Variants in SH3TC1 observed in about 807,000 individuals in gnomAD.
The protein encoded by SH3TC1 is SH3 domain and tetratricopeptide repeat-containing protein 1.
In SH3TC1, 135 loss-of-function variants were observed where a neutral mutation model predicts 117.3. That is an observed-to-expected ratio of 1.15 (90% CI 1.00 to 1.33). SH3TC1 has a LOEUF of 1.33. SH3TC1 is among the 40% of genes most tolerant of loss of function. The pLI, the probability that SH3TC1 is intolerant of heterozygous loss-of-function variation, is 0.00. For missense variants in SH3TC1, 2,092 were observed against 1,794.3 expected, an observed-to-expected ratio of 1.17 and a Z score of -3.00; for synonymous variants, 898 against 816.9, an observed-to-expected ratio of 1.10 and a Z score of -1.69.
chr4:8,216,283 G>A (rs756567481), intron 6 of SH3TC1, 26 bp downstream of exon 6: 24 of 1,607,462 alleles, frequency 1.5e-5, no homozygotes, highest in Non-Finnish European at 2.0e-5. Context: ...GGTGATGGCC[G>A]AGATCCAGCT....
At chr4:8,218,011 G>A (rs575365774) in intron 7 of SH3TC1, among the ~76,000 whole-genome samples, 1 of 151,574 alleles carries the variant, frequency 6.6e-6, no homozygotes, top group South Asian at 2.1e-4. Context: ...CAGGCCCACA[G>A]GGGTGGCGGT....
rs1280696205 is a variant in SH3TC1, at chr4:8,186,482, T to TA, written c.-57+4277dup. 6.6e-6 allele frequency among the ~76,000 whole-genome samples: 1 copy of TA among 152,032 alleles called. No individual in the cohort carries two copies. Among genetic ancestry groups the TA allele is most frequent in the Non-Finnish European group, 1.5e-5 (1 of 68,012 alleles). ...AGTCGAGTCGAGTGTGAATTGTGAGTAAAAATAGCAGGTCCACGTTGGTTT... is the reference window on the plus strand; with the variant it reads ...AGTCGAGTCGAGTGTGAATTGTGAGTAAAAAATAGCAGGTCCACGTTGGTTT... On this transcript the variant is annotated intron_variant, in intron 1 of 16. Coordinates refer to the SH3TC1 transcript ENST00000508641. This position sits in a 1 kb window ranked among gnomAD's most constrained non-coding sequence, Gnocchi z 5.2.
Position 8,227,376 on chromosome 4 carries a change from G to C in SH3TC1, c.1682G>C (p.Arg561Thr), listed in dbSNP as rs554467667. The change falls in exon 12 of 18, where the codon AGG (arginine) becomes ACG (threonine). Residue 561 changes from arginine (R) to threonine (T), a missense_variant. Physicochemically the swap from Arg to Thr is moderately conservative, Grantham distance 71. Transcript: ENST00000245105. ...GCTGGCCTCCTCATGGCCCTGGCCA[G>C]GCTCTGCTTCCTCCTGGGGCGGCTG... ...KKAGLLMALA[R>T]LCFLLGRLCS... 1 of 1,564,416 alleles carries C rather than the reference G, an allele frequency of 6.4e-7. No homozygotes were observed. The highest frequency in any genetic ancestry group is 1.2e-5 in the South Asian group (1 of 83,676).
At chr4:8,191,746 C>G (rs535808995) in intron 1 of SH3TC1, among the ~76,000 whole-genome samples, 10 of 152,212 alleles carry the variant, frequency 6.6e-5, no homozygotes, top group South Asian at 4.1e-4. Context: ...TCCTTCCCCC[C>G]ATTCTTGGGT....
At chr4:8,207,077 CAAAA>C (rs34956323) in intron 2 of SH3TC1, among the ~76,000 whole-genome samples, 62 of 138,578 alleles carry the variant, frequency 4.5e-4, no homozygotes, top group Non-Finnish European at 4.5e-4. Flanking sequence ...TCCTTTATAG[CAAAA>C]AAAAAAAAAA....
Position 8,227,289 on chromosome 4 carries a change from G to A in SH3TC1, c.1595G>A (p.Ser532Asn). ...CCGTGGCTGAGCAGCGTGTTCCGCAGCTTCAGCGACGAGGAGGAGCTGACT... is the reference window on the plus strand; with the variant it reads ...CCGTGGCTGAGCAGCGTGTTCCGCAACTTCAGCGACGAGGAGGAGCTGACT... The part of the protein sequence containing the change: ...ALPWLSSVFR[S>N]FSDEEELTGR... Residue 532 changes from serine (S) to asparagine (N), a missense_variant, in exon 12 of 18, where the codon AGC (serine) becomes AAC (asparagine). Coordinates refer to ENST00000245105, the MANE Select transcript of SH3TC1 (RefSeq NM_018986.5). 1 of 1,608,362 alleles carries A rather than the reference G, an allele frequency of 6.2e-7. No homozygotes were observed. The highest frequency in any genetic ancestry group is 8.5e-7 in the Non-Finnish European group (1 of 1,177,950).
Position 8,208,186 on chromosome 4 carries a change from A to T in SH3TC1, c.173-1562A>T, listed in dbSNP as rs114602986. On this transcript the variant is annotated intron_variant, in intron 2 of 17. Coordinates refer to ENST00000245105, the MANE Select transcript of SH3TC1 (RefSeq NM_018986.5). ...TGAGCCAGGGGCTCAGATCTTCTTC[A>T]GACAGGGAGTGAATCTCCAGGCTGG... is the stretch of plus-strand genomic sequence containing the variant. Among the ~76,000 whole-genome samples the T allele has an allele frequency of 8.5e-3, 1,301 of 152,302 alleles. 13 individuals are homozygous for T. The highest frequency in any genetic ancestry group is 0.075 in the Middle Eastern group (22 of 292).
In SH3TC1 at chr4:8,227,405, A is replaced by C. The variant is rs776791403; in HGVS notation, c.1711A>C (p.Ser571Arg). The change falls in exon 12 of 18, where the codon AGC (serine) becomes CGC (arginine). Residue 571 changes from serine (S) to arginine (R), a missense_variant. By Grantham distance (110) the Ser-to-Arg change is moderately radical. Coordinates refer to ENST00000245105, the MANE Select transcript of SH3TC1 (RefSeq NM_018986.5). ...CTGCTTCCTCCTGGGGCGGCTGTGC[A>C]GCAGGAGGCTCAAGCTGTCCCAGGC... Reference protein sequence around the residue: ...RLCFLLGRLCSRRLKLSQARV... With the variant: ...RLCFLLGRLCRRRLKLSQARV... 1.7e-5 allele frequency: 26 copies of C among 1,549,656 alleles called. No individual in the cohort carries two copies. The highest frequency in any genetic ancestry group is 1.8e-4 in the Middle Eastern group (1 of 5,664).
At chr4:8,223,682 G>C (rs958231108) in intron 10 of SH3TC1, among the ~76,000 whole-genome samples, 2 of 151,334 alleles carry the variant, frequency 1.3e-5, no homozygotes, top group South Asian at 4.2e-4. Flanking sequence ...GCCCAGGCTG[G>C]AGTGCAGTGG....
At chr4:8,191,307 C>A (rs989981168) in intron 1 of SH3TC1, among the ~76,000 whole-genome samples, 1 of 152,170 alleles carries the variant, frequency 6.6e-6, no homozygotes, top group African/African-American at 2.4e-5. Flanking sequence ...CCGGCCAGTT[C>A]GGGGGTGGGT....
intron 7 of SH3TC1, 120 bp downstream of exon 7, chr4:8,217,287 A>G: frequency 8.1e-7 from 1 of 1,235,436 alleles, no homozygotes; most frequent in Non-Finnish European, 1.1e-6. Flanking sequence ...AGACCTGGCC[A>G]TGGCCTTGTT....
chr4:8,232,864 G>A (rs1721371575), intron 13 of SH3TC1: 3 of 1,245,746 alleles, frequency 2.4e-6, no homozygotes, highest in Admixed American at 2.7e-5. Flanking sequence ...CTCAAAGTGT[G>A]GTCCCTGGAC....
rs749877225 is a variant in SH3TC1 at position 8,236,259 on chromosome 4, C to G, written c.3406-19C>G. On this transcript the variant is annotated intron_variant, in intron 15 of 17. Transcript: ENST00000245105. Reference sequence around the variant, plus strand: ...GGTGGGTGCTGCGGGAAGCCTGACCCCACCTGCCTGTGTGGCAGGACCGGG... The same window carrying G: ...GGTGGGTGCTGCGGGAAGCCTGACCGCACCTGCCTGTGTGGCAGGACCGGG... The G allele has an allele frequency of 1.3e-6, 2 of 1,536,842 alleles. No homozygotes were observed. The highest frequency in any genetic ancestry group is 1.4e-5 in the African/African-American group (1 of 72,572).
chr4:8,240,590 G>A, intron 17 of SH3TC1, 108 bp from the exon 18 acceptor site: 1 of 1,526,800 alleles, frequency 6.5e-7, no homozygotes, highest in East Asian at 2.3e-5. Context: ...GGGCTCATGG[G>A]GTGAGCCAGC....
chr4:8,211,974 C>A (rs1241543744), intron 3 of SH3TC1, among the ~76,000 whole-genome samples: 1 of 152,050 alleles, frequency 6.6e-6, no homozygotes, highest in Admixed American at 6.5e-5. Flanking sequence ...GGAGGGAGGG[C>A]CAGGTGTGGA....
At chr4:8,232,658 G>A in intron 13 of SH3TC1, 1 of 1,294,374 alleles carries the variant, frequency 7.7e-7, no homozygotes, top group Non-Finnish European at 1.0e-6. Context: ...CTCTCCTGGA[G>A]CATCCTGACC....
intron 16 of SH3TC1, 125 bp downstream of exon 16, chr4:8,236,553 C>T: frequency 7.7e-7 from 1 of 1,302,866 alleles, no homozygotes; most frequent in Non-Finnish European, 1.0e-6. Context: ...GCAGGCACAT[C>T]TGCCCAGCTG....
intron 1 of SH3TC1, among the ~76,000 whole-genome samples, chr4:8,187,247 C>T (rs749261163): frequency 6.6e-6 from 1 of 152,238 alleles, no homozygotes; most frequent in Non-Finnish European, 1.5e-5. Context: ...GCAAAGTGCA[C>T]TCCTGCTCCC....
In SH3TC1 at chr4:8,225,092, C is replaced by T. The variant is rs924020572; in HGVS notation, c.1244-83C>T. On this transcript the variant is annotated intron_variant, in intron 10 of 17. Transcript: ENST00000245105. The surrounding 1 kb of genome is among the most constrained non-coding windows in gnomAD (Gnocchi z 5.5). The stretch of plus-strand genomic sequence containing the variant: ...TGCACCCAGCAATGCTCTCACCCTG[C>T]AACATCGACACTAGCTCAACCTGGC... 44 of 1,533,542 alleles carry T rather than the reference C, an allele frequency of 2.9e-5. No homozygotes were observed. In the African/African-American group the frequency reaches 4.5e-4, roughly 16 times the overall value. 95.0% of individuals were successfully genotyped at this position (1,533,542 alleles called of 1,614,324 possible).
Sources: gnomAD v4.1 joint callset for allele counts (sites outside exome capture counted in the v4.1 genomes callset) on GRCh38, gnomAD v4.1.1 for gene constraint, Gnocchi (gnomAD v3.1) non-coding constraint, MANE v1.5 for transcripts, NCBI Gene and HGNC (gene_info 2026-07-23, HGNC 2026-07-21) for gene names.